Variants in PAX5 observed in about 807,000 individuals in gnomAD.
PAX5 encodes the protein paired box protein Pax-5.
Under a neutral mutation model 43.7 loss-of-function variants are expected in PAX5, and 9 were observed. The observed-to-expected ratio is 0.21, with a 90% CI of 0.12 to 0.36. The LOEUF (loss-of-function observed/expected upper bound fraction) is 0.36. Ranked by LOEUF, PAX5 falls within the 10% of genes least tolerant of loss-of-function variation. The pLI is 1.00. For missense variants in PAX5, 383 were observed against 532.7 expected (o/e 0.72, Z 2.77); for synonymous variants, 228 against 214.3 (o/e 1.06, Z -0.56).
At chr9:36,870,611 C>T (rs1825401701) in intron 8 of PAX5, among the ~76,000 whole-genome samples, 1 of 152,104 alleles carries the variant, frequency 6.6e-6, no homozygotes, top group Admixed American at 6.5e-5. Flanking sequence ...TTTCTAGTTT[C>T]CTATTTTAAT....
intron 8 of PAX5, among the ~76,000 whole-genome samples, chr9:36,849,888 G>A (rs989666876): frequency 2.6e-5 from 4 of 152,230 alleles, no homozygotes; most frequent in African/African-American, 9.6e-5. Context: ...ACCTGCTGGG[G>A]ACTCTGGGAT....
chr9:36,873,276 C>A (rs1825644295), intron 8 of PAX5, among the ~76,000 whole-genome samples: 1 of 152,374 alleles, frequency 6.6e-6, no homozygotes, highest in Non-Finnish European at 1.5e-5. Context: ...AGACTGTGAG[C>A]TCCCTGAGGG....
chr9:36,889,385 C>T (rs961057027), intron 7 of PAX5, among the ~76,000 whole-genome samples: 3 of 152,230 alleles, frequency 2.0e-5, no homozygotes, highest in African/African-American at 7.2e-5. Context: ...GTATGCCAGA[C>T]AAGGCTCTAC....
At chr9:36,849,726 C>T (rs367600283) in intron 8 of PAX5, among the ~76,000 whole-genome samples, 9 of 152,234 alleles carry the variant, frequency 5.9e-5, no homozygotes, top group African/African-American at 2.2e-4. Context: ...AGAAATGAGC[C>T]TACCAGGGAC....
Position 36,838,323 on chromosome 9 carries a change from C to T in PAX5, c.*2237G>A, listed in dbSNP as rs1821787502. On this transcript the variant is annotated 3_prime_UTR_variant, in exon 10 of 10. Transcript: ENST00000358127. ...CCAGAACCATCTCTCACTGCTCTTACTGTCAACTCTCCTCAGGAATAGGAG... is the reference window on the plus strand; with the variant it reads ...CCAGAACCATCTCTCACTGCTCTTATTGTCAACTCTCCTCAGGAATAGGAG... The T allele has an allele frequency of 1.3e-5, 3 of 232,470 alleles. No homozygotes were observed. In the East Asian group the frequency reaches 1.8e-4, roughly 14 times the overall value. 14.4% of individuals were successfully genotyped at this position (232,470 alleles called of 1,614,324 possible).
Position 36,833,847 on chromosome 9 carries a change from G to A in PAX5, c.*6713C>T, listed in dbSNP as rs1012427250. On this transcript the variant is annotated 3_prime_UTR_variant, in exon 10 of 10. Transcript: ENST00000358127. ...AGGCAATTCAATTGTGGTTTTTGTT[G>A]TTGGTTTTTTTGTATTTTTTTGTAT... 2.2e-5 allele frequency: 5 copies of A among 223,668 alleles called. No homozygotes were observed. Among genetic ancestry groups the A allele is most frequent in the African/African-American group, 9.3e-5 (4 of 43,144 alleles). 13.9% of individuals were successfully genotyped at this position (223,668 alleles called of 1,614,324 possible).
chr9:36,942,513 C>T (rs1456666705), intron 6 of PAX5, among the ~76,000 whole-genome samples: 2 of 152,182 alleles, frequency 1.3e-5, no homozygotes, highest in African/African-American at 2.4e-5. Flanking sequence ...CACACAGAGT[C>T]CCCCTCCATG....
intron 8 of PAX5, among the ~76,000 whole-genome samples, chr9:36,851,922 A>G (rs1823197910): frequency 6.6e-6 from 1 of 152,116 alleles, no homozygotes; most frequent in South Asian, 2.1e-4. Flanking sequence ...AGCTGCCCAC[A>G]TTGGAGGAGA....
At chr9:36,870,103 G>A (rs1293289811) in intron 8 of PAX5, among the ~76,000 whole-genome samples, 1 of 43,124 alleles carries the variant, frequency 2.3e-5, no homozygotes, top group African/African-American at 9.2e-5. Flanking sequence ...TGGATGGATG[G>A]ATGGATGGAT....
rs1463277863 is a variant in PAX5 at position 36,837,124 on chromosome 9, A to ACT, written c.*3434_*3435dup. The ACT allele has an allele frequency of 1.7e-5, 4 of 232,346 alleles. No individual in the cohort carries two copies. The East Asian group carries it at 1.8e-4, about 11-fold the overall frequency. 14.4% of individuals were successfully genotyped at this position (232,346 alleles called of 1,614,324 possible). A position where few individuals can be genotyped will look rare whatever the true frequency, so the allele number is the denominator to read the frequency against. On this transcript the variant is annotated 3_prime_UTR_variant, in exon 10 of 10. Coordinates refer to ENST00000358127, the MANE Select transcript of PAX5 (RefSeq NM_016734.3). ...GTGGGGGAGTGTCTTTAAGCCATAC[A>ACT]CTCCCATGACAGGAGCACAACTCGG...
In PAX5 at chr9:36,966,699, G is replaced by A. The variant is rs773198171; in HGVS notation, c.630C>T (p.Asn210=). 61 of 1,614,164 alleles carry A rather than the reference G, an allele frequency of 3.8e-5. No homozygotes were observed. Among genetic ancestry groups the A allele is most frequent in the Middle Eastern group, 3.3e-4 (2 of 6,062 alleles). ...AGTCTCTGCCCGGAAGCGAGTGGCC[G>A]TTCGGCACCGGAGACTCCTGAATAC... is the stretch of plus-strand genomic sequence containing the variant. ...DEGIQESPVP[N]GHSLPGRDFL... is the part of the protein sequence containing the mutation. The change falls in exon 6 of 10, where the codon AAC becomes AAT. Residue 210 remains asparagine, a synonymous_variant. Coordinates refer to ENST00000358127, the MANE Select transcript of PAX5 (RefSeq NM_016734.3).
chr9:36,937,883 A>C (rs970460381), intron 6 of PAX5, among the ~76,000 whole-genome samples: 2 of 152,194 alleles, frequency 1.3e-5, no homozygotes, highest in African/African-American at 2.4e-5. Flanking sequence ...CATTAGTGCA[A>C]AACAATAGAG....
intron 9 of PAX5, among the ~76,000 whole-genome samples, chr9:36,843,601 C>T (rs992983140): frequency 3.9e-5 from 6 of 152,154 alleles, no homozygotes; most frequent in East Asian, 1.9e-4. Context: ...TGGCCAATAT[C>T]GTTTGTGCTC....
chr9:36,921,878 C>G (rs1235685354), intron 7 of PAX5, among the ~76,000 whole-genome samples: 9 of 152,158 alleles, frequency 5.9e-5, no homozygotes, highest in Admixed American at 3.3e-4. Context: ...AATGGGAGTG[C>G]CTTCAGAGGT....
intron 7 of PAX5, among the ~76,000 whole-genome samples, chr9:36,901,428 A>T (rs1258781319): frequency 6.6e-6 from 1 of 152,154 alleles, no homozygotes; most frequent in East Asian, 1.9e-4. Context: ...CATCTGTCAC[A>T]TGCCTCTCCT....
At chr9:37,013,104 T>C (rs1839088916) in intron 3 of PAX5, among the ~76,000 whole-genome samples, 2 of 151,852 alleles carry the variant, frequency 1.3e-5, no homozygotes, top group South Asian at 4.2e-4. Flanking sequence ...AAAAAATTAA[T>C]TTAAATATAG....
intron 5 of PAX5, among the ~76,000 whole-genome samples, chr9:36,975,429 A>G (rs1270957750): frequency 1.3e-5 from 2 of 148,802 alleles, no homozygotes; most frequent in East Asian, 4.0e-4. Context: ...TCTGTTGCCC[A>G]GGCTGGAGTG....
At chr9:36,958,929 C>T (rs575342095) in intron 6 of PAX5, among the ~76,000 whole-genome samples, 1 of 152,332 alleles carries the variant, frequency 6.6e-6, no homozygotes, top group Admixed American at 6.5e-5. Context: ...TGACAGCAGC[C>T]ACCAGTATCC....
chr9:36,838,814 ACCAAGGCAG>A lies in PAX5; in HGVS notation c.*1737_*1745del, dbSNP rs1587714541. 13 of 233,386 alleles carry A rather than the reference ACCAAGGCAG, an allele frequency of 5.6e-5. No individual in the cohort carries two copies. The East Asian group carries it at 7.8e-4, about 14-fold the overall frequency. 14.5% of individuals were successfully genotyped at this position (233,386 alleles called of 1,614,324 possible). ...GTGGCCCTACAGATGACCCTGCTGC[ACCAAGGCAG>A]CCAAGGCTCAAAGAGGTGCAGGGTT... On this transcript the variant is annotated 3_prime_UTR_variant, in exon 10 of 10. Coordinates refer to ENST00000358127, the MANE Select transcript of PAX5 (RefSeq NM_016734.3).
Sources: allele counts gnomAD v4.1 joint callset (sites outside exome capture counted in the v4.1 genomes callset), GRCh38; gene constraint gnomAD v4.1.1; transcripts MANE v1.5; gene names NCBI Gene and HGNC (gene_info 2026-07-23, HGNC 2026-07-21).